EYA1: variants seen among roughly 807,000 people sequenced by gnomAD.
The protein encoded by EYA1 is EYA transcriptional coactivator and phosphatase 1.
In EYA1, 16 loss-of-function variants were observed where a neutral mutation model predicts 82.0. That is an observed-to-expected ratio of 0.20 (90% CI 0.13 to 0.30). The LOEUF is 0.30. Among genes scored for constraint, EYA1 ranks in the 10% least tolerant of loss-of-function variants. EYA1 has a pLI of 1.00. For synonymous variants in EYA1, 261 were observed against 264.4 expected, an observed-to-expected ratio of 0.99 and a Z score of 0.12; for missense variants, 633 against 730.7, an observed-to-expected ratio of 0.87 and a Z score of 1.54.
chr8:71,392,412 A>T (rs990508209), intron 2 of EYA1, among the ~76,000 whole-genome samples: 2 of 152,152 alleles, frequency 1.3e-5, no homozygotes, highest in Non-Finnish European at 2.9e-5. Flanking sequence ...AAGAGGGGGA[A>T]AAAATGGGGC....
At chr8:71,543,714 T>C (rs778075486) in intron 1 of EYA1, among the ~76,000 whole-genome samples, 15 of 152,180 alleles carry the variant, frequency 9.9e-5, no homozygotes, top group East Asian at 1.9e-4. Flanking sequence ...TTTTTAGGTG[T>C]AGAAATGAAG....
At chr8:71,321,264 G>A (rs1036574019) in intron 6 of EYA1, among the ~76,000 whole-genome samples, 11 of 152,218 alleles carry the variant, frequency 7.2e-5, no homozygotes, top group Non-Finnish European at 1.5e-4. Flanking sequence ...TTTTCCTAAT[G>A]GTTGATAATG....
At chr8:71,267,872 C>T (rs902446995) in intron 11 of EYA1, among the ~76,000 whole-genome samples, 1 of 152,068 alleles carries the variant, frequency 6.6e-6, no homozygotes, top group African/African-American at 2.4e-5. Context: ...TATCACATGA[C>T]CTGGAATGAG....
intron 2 of EYA1, among the ~76,000 whole-genome samples, chr8:71,442,276 A>G (rs1806486453): frequency 6.6e-6 from 1 of 152,220 alleles, no homozygotes; most frequent in South Asian, 2.1e-4. Context: ...GGACTGAACC[A>G]TTAATCAATG....
At chr8:71,456,202 G>T (rs1433588080) in intron 2 of EYA1, among the ~76,000 whole-genome samples, 60 of 152,272 alleles carry the variant, frequency 3.9e-4, no homozygotes, top group Non-Finnish European at 1.0e-4. Context: ...ACTTACAAGG[G>T]ATGTGAAGGA....
intron 12 of EYA1, among the ~76,000 whole-genome samples, chr8:71,227,876 TG>T (rs1485805786): frequency 2.0e-5 from 3 of 152,166 alleles, no homozygotes; most frequent in African/African-American, 7.2e-5. Flanking sequence ...GTTGAAATTT[TG>T]AAGTTTAAAA....
chr8:71,389,673 T>G (rs1055835049), intron 2 of EYA1, among the ~76,000 whole-genome samples: 2 of 152,178 alleles, frequency 1.3e-5, no homozygotes, highest in African/African-American at 4.8e-5. Context: ...AATCAAATGG[T>G]CCATGTACGA....
chr8:71,202,090 G>C (rs1034170703), intron 17 of EYA1, among the ~76,000 whole-genome samples: 6 of 152,042 alleles, frequency 3.9e-5, no homozygotes, highest in African/African-American at 1.4e-4. Context: ...TTTCAGAGCA[G>C]GTTCAGTCAA....
intron 12 of EYA1, among the ~76,000 whole-genome samples, chr8:71,240,254 T>C (rs1384157233): frequency 1.4e-5 from 2 of 148,058 alleles, no homozygotes; most frequent in Non-Finnish European, 3.0e-5. Context: ...GGACCAGAAC[T>C]TTCTGCCCCA....
At chr8:71,397,423 G>T (rs1323914344) in intron 2 of EYA1, among the ~76,000 whole-genome samples, 1 of 152,120 alleles carries the variant, frequency 6.6e-6, no homozygotes, top group Non-Finnish European at 1.5e-5. Context: ...GCAGTGGCTG[G>T]TACTAGTTGT....
At chr8:71,342,055 T>C (rs1367060304) in intron 3 of EYA1, among the ~76,000 whole-genome samples, 1 of 152,164 alleles carries the variant, frequency 6.6e-6, no homozygotes, top group African/African-American at 2.4e-5. Context: ...TCTTCCACAC[T>C]AGCTCAGTTT....
At chr8:71,262,176 G>C (rs1048539099) in intron 11 of EYA1, among the ~76,000 whole-genome samples, 2 of 152,276 alleles carry the variant, frequency 1.3e-5, no homozygotes. Context: ...CAAAAAGAAG[G>C]AGTTCATTGG....
chr8:71,490,924 A>G (rs902486212), intron 2 of EYA1, among the ~76,000 whole-genome samples: 1 of 152,224 alleles, frequency 6.6e-6, no homozygotes, highest in Admixed American at 6.5e-5. Flanking sequence ...AGCTCTGGCT[A>G]CTTCAATTGG....
At chr8:71,313,143 G>A (rs1821538347) in intron 7 of EYA1, among the ~76,000 whole-genome samples, 1 of 152,034 alleles carries the variant, frequency 6.6e-6, no homozygotes, top group African/African-American at 2.4e-5. Flanking sequence ...ATTCACCACT[G>A]CTGCCATACA....
chr8:71,510,021 C>T lies in EYA1; in HGVS notation c.33+25723G>A, dbSNP rs139543855. Among the ~76,000 whole-genome samples, 404 of 150,706 alleles carry T rather than the reference C, an allele frequency of 2.7e-3. 2 individuals are homozygous for T. The highest frequency in any genetic ancestry group is 8.2e-3 in the African/African-American group (336 of 41,214). On this transcript the variant is annotated intron_variant, in intron 2 of 18. Transcript: ENST00000643681. ...GTTCTGTAATAATATAGTACCCTAC[C>T]CTCACACTATATATTATTTATTATT... is the stretch of plus-strand genomic sequence containing the variant.
At chr8:71,280,224 C>T (rs1295132005) in intron 9 of EYA1, among the ~76,000 whole-genome samples, 1 of 152,080 alleles carries the variant, frequency 6.6e-6, no homozygotes, top group Non-Finnish European at 1.5e-5. Flanking sequence ...ACCAGTGACA[C>T]CAGAAAATGA....
chr8:71,214,068 AG>A (rs1808874483), intron 16 of EYA1, among the ~76,000 whole-genome samples: 2 of 152,228 alleles, frequency 1.3e-5, no homozygotes, highest in African/African-American at 4.8e-5. Context: ...GGAGAAGCAC[AG>A]GAAGTGTAAA....
chr8:71,542,650 C>A (rs1055543715), intron 1 of EYA1, among the ~76,000 whole-genome samples: 3 of 152,230 alleles, frequency 2.0e-5, no homozygotes, highest in Non-Finnish European at 2.9e-5. Context: ...CTGTCTTCCA[C>A]AATGGTTGAA....
intron 2 of EYA1, among the ~76,000 whole-genome samples, chr8:71,484,142 T>C (rs79055375): frequency 0.11 from 16,999 of 152,114 alleles, 3,123 homozygotes; most frequent in African/African-American, 0.38. Flanking sequence ...TTACCCACAG[T>C]CACCTGTGCC....
Sources: allele counts gnomAD v4.1 joint callset (sites outside exome capture counted in the v4.1 genomes callset), GRCh38; gene constraint gnomAD v4.1.1; transcripts MANE v1.5; gene names NCBI Gene and HGNC (gene_info 2026-07-23, HGNC 2026-07-21).